WDR37: variants seen among roughly 807,000 people sequenced by gnomAD.
WDR37 encodes WD repeat-containing protein 37.
A neutral mutation model predicts 62.9 loss-of-function variants in WDR37; 19 were observed. The observed-to-expected ratio is 0.30, with a 90% CI of 0.21 to 0.44. WDR37 has a LOEUF of 0.44. Among genes scored for constraint, WDR37 ranks in the 20% least tolerant of loss-of-function variants. The pLI is 1.00. For synonymous variants in WDR37, 250 were observed against 260.9 expected, an observed-to-expected ratio of 0.96 and a Z score of 0.40; for missense variants, 474 against 657.6, an observed-to-expected ratio of 0.72 and a Z score of 3.05.
At chr10:1,123,032 CTCT>C (rs756095019) in intron 11 of WDR37, among the ~76,000 whole-genome samples, 18 of 152,264 alleles carry the variant, frequency 1.2e-4, no homozygotes, top group East Asian at 3.9e-4. Flanking sequence ...TCTTCCCCCT[CTCT>C]TCTTGTTTTT....
chr10:1,124,786 G>A, intron 12 of WDR37, 124 bp from the exon 13 acceptor site: 1 of 1,260,824 alleles, frequency 7.9e-7, no homozygotes, highest in Non-Finnish European at 1.1e-6. Flanking sequence ...GGTACACGCA[G>A]TGTGTTCATG....
At chr10:1,090,853 C>T (rs937601101) in intron 7 of WDR37, among the ~76,000 whole-genome samples, 3 of 152,178 alleles carry the variant, frequency 2.0e-5, no homozygotes, top group Non-Finnish European at 4.4e-5. Context: ...CTGCTCCCCT[C>T]GTGGCCACTG....
chr10:1,104,986 C>G (rs1834957982), intron 10 of WDR37, 140 bp from the exon 11 acceptor site: 4 of 1,039,178 alleles, frequency 3.8e-6, no homozygotes. Flanking sequence ...CCACTGTGAC[C>G]CACATGCTGC....
chr10:1,069,386 TA>T (rs1564496953), intron 1 of WDR37, among the ~76,000 whole-genome samples: 13 of 43,486 alleles, frequency 3.0e-4, no homozygotes, highest in Admixed American at 1.3e-3. Flanking sequence ...TATATATATA[TA>T]TATTTTTTTT....
At chr10:1,058,017 C>T (rs962589860) in intron 1 of WDR37, among the ~76,000 whole-genome samples, 1 of 151,454 alleles carries the variant, frequency 6.6e-6, no homozygotes, top group Non-Finnish European at 1.5e-5. Context: ...TGGTTACTTT[C>T]CTGATCAAAT....
At chr10:1,080,572 A>C in intron 5 of WDR37, 96 bp downstream of exon 5, 1 of 1,377,676 alleles carries the variant, frequency 7.3e-7, no homozygotes, top group Non-Finnish European at 1.0e-6. Context: ...AAGGCATAGC[A>C]GAAAAAGATA....
At chr10:1,095,402 A>G (rs1834542091) in intron 8 of WDR37, among the ~76,000 whole-genome samples, 3 of 151,488 alleles carry the variant, frequency 2.0e-5, no homozygotes, top group Admixed American at 6.6e-5. Context: ...TAGAGGGGAA[A>G]CGTGAGGTAA....
chr10:1,082,402 A>G (rs1021296450), intron 5 of WDR37, among the ~76,000 whole-genome samples: 1 of 152,224 alleles, frequency 6.6e-6, no homozygotes, highest in Non-Finnish European at 1.5e-5. Context: ...AGGAAGTCTA[A>G]CCTGCAGCCC....
intron 1 of WDR37, among the ~76,000 whole-genome samples, chr10:1,063,687 A>G (rs766849636): frequency 6.6e-6 from 1 of 152,218 alleles, no homozygotes; most frequent in Non-Finnish European, 1.5e-5. Flanking sequence ...CCCTGTGGTC[A>G]TGAGGCCACC....
Position 1,121,897 on chromosome 10 carries a change from G to A in WDR37, c.1104-2321G>A, listed in dbSNP as rs1835593991. Among the ~76,000 whole-genome samples, 2 of 152,020 alleles carry A rather than the reference G, an allele frequency of 1.3e-5. No homozygotes were observed. The highest frequency in any genetic ancestry group is 3.4e-3 in the Middle Eastern group (1 of 294). The stretch of plus-strand genomic sequence containing the variant: ...TGTTCCGGGGTCTCGGTGTCAGAGC[G>A]TGTTGCCAGGTGTTGTTGACGCACC... On this transcript the variant is annotated intron_variant, in intron 11 of 13. Coordinates refer to ENST00000263150, the MANE Select transcript of WDR37 (RefSeq NM_014023.4). This position sits in a 1 kb window ranked among gnomAD's most constrained non-coding sequence, Gnocchi z 4.5.
intron 5 of WDR37, among the ~76,000 whole-genome samples, chr10:1,083,675 A>C (rs1834099767): frequency 6.6e-6 from 1 of 152,210 alleles, no homozygotes; most frequent in East Asian, 1.9e-4. Flanking sequence ...ACAAGAGGGC[A>C]TGAGAACTGT....
rs904220049 is a variant in WDR37, at chr10:1,105,793, C to A, written c.1103+526C>A. On this transcript the variant is annotated intron_variant, in intron 11 of 13. Transcript: ENST00000263150. The surrounding 1 kb of genome is among the most constrained non-coding windows in gnomAD (Gnocchi z 5.3). ...CTCTCCGGCAACTCAAGTGTAAGGT[C>A]TTTTTTTTCTGAGACGGAGTCTCGC... is the stretch of plus-strand genomic sequence containing the variant. 3.3e-5 allele frequency among the ~76,000 whole-genome samples: 5 copies of A among 151,756 alleles called. No individual in the cohort carries two copies. Among genetic ancestry groups the A allele is most frequent in the African/African-American group, 1.2e-4 (5 of 41,322 alleles).
At chr10:1,065,150 A>G (rs1041002564) in intron 1 of WDR37, among the ~76,000 whole-genome samples, 1 of 152,234 alleles carries the variant, frequency 6.6e-6, no homozygotes, top group Non-Finnish European at 1.5e-5. Context: ...AATATCGGTC[A>G]ATTTAGTATT....
chr10:1,071,632 A>G (rs1048615972), intron 1 of WDR37, among the ~76,000 whole-genome samples: 1 of 152,260 alleles, frequency 6.6e-6, no homozygotes, highest in East Asian at 1.9e-4. Context: ...TATGTTGACT[A>G]TAAAATATTT....
chr10:1,093,617 C>CA, intron 8 of WDR37, 121 bp downstream of exon 8: 1 of 834,190 alleles, frequency 1.2e-6, no homozygotes, highest in South Asian at 1.7e-5. Context: ...CTTTAGTAGA[C>CA]ATTTTATGAA....
intron 1 of WDR37, among the ~76,000 whole-genome samples, chr10:1,064,326 C>T (rs1170098784): frequency 2.6e-5 from 4 of 151,808 alleles, no homozygotes; most frequent in Non-Finnish European, 5.9e-5. Flanking sequence ...ACAGAAGATG[C>T]AACATCTGTC....
rs1351611462 is a variant in WDR37, at chr10:1,102,388, C to G, written c.727-1214C>G. On this transcript the variant is annotated intron_variant, in intron 9 of 13. Coordinates refer to ENST00000263150, the MANE Select transcript of WDR37 (RefSeq NM_014023.4). ...ACGTGCCTGTGTTAGGCCATTCTTG[C>G]ATTGCTATAAAAAATACTTGAGACA... Among the ~76,000 whole-genome samples, 2 of 150,828 alleles carry G rather than the reference C, an allele frequency of 1.3e-5. 1 individual carries two copies. The highest frequency in any genetic ancestry group is 1.3e-4 in the Admixed American group (2 of 15,242).
chr10:1,118,434 G>T (rs560247654), intron 11 of WDR37, among the ~76,000 whole-genome samples: 1 of 145,480 alleles, frequency 6.9e-6, no homozygotes, highest in East Asian at 2.1e-4. Flanking sequence ...TCTGAGCTGC[G>T]TGCACTCAGC....
chr10:1,113,444 T>C (rs192420912), intron 11 of WDR37, among the ~76,000 whole-genome samples: 1 of 152,352 alleles, frequency 6.6e-6, no homozygotes, highest in East Asian at 1.9e-4. Flanking sequence ...ATTTTGACTT[T>C]TGAGTCTTAT....
Sources: allele counts gnomAD v4.1 joint callset (sites outside exome capture counted in the v4.1 genomes callset), GRCh38; gene constraint gnomAD v4.1.1; non-coding constraint Gnocchi (gnomAD v3.1); transcripts MANE v1.5; gene names NCBI Gene and HGNC (gene_info 2026-07-23, HGNC 2026-07-21).